The following GRAMD2A variants were observed in gnomAD, a reference collection of about 807,000 sequenced individuals.
The protein encoded by GRAMD2A is GRAM domain containing 2A, also known as GRAM domain-containing protein 2A.
GRAMD2A carries 37 observed loss-of-function variants against 51.1 expected under a neutral mutation model. That is an observed-to-expected ratio of 0.72 (90% CI 0.56 to 0.95). The LOEUF is 0.95. GRAMD2A is among the 40% of genes least tolerant of loss of function. The pLI, the probability that GRAMD2A is intolerant of heterozygous loss-of-function variation, is 0.00. For synonymous variants in GRAMD2A, 136 were observed against 157.1 expected, an observed-to-expected ratio of 0.87 and a Z score of 1.01; for missense variants, 414 against 426.9, an observed-to-expected ratio of 0.97 and a Z score of 0.27.
rs60311069 is a variant in GRAMD2A, at chr15:72,189,321, A to T, written c.41+8410T>A. Among the ~76,000 whole-genome samples, 1,501 of 152,392 alleles carry T rather than the reference A, an allele frequency of 9.8e-3. 23 individuals are homozygous for T. The highest frequency in any genetic ancestry group is 0.034 in the African/African-American group (1,413 of 41,580). ...CAAATCTACATGTGATAAAAATCAC[A>T]CAAGACTAAATATAGGTCCACACAC... On this transcript the variant is annotated intron_variant, in intron 1 of 11. Transcript: ENST00000309731.
chr15:72,178,668 G>T (rs1320004421), intron 1 of GRAMD2A, among the ~76,000 whole-genome samples: 2 of 140,446 alleles, frequency 1.4e-5, no homozygotes, highest in Non-Finnish European at 3.0e-5. Context: ...CTCTGCCTCT[G>T]GGTTCGTGCC....
intron 1 of GRAMD2A, among the ~76,000 whole-genome samples, chr15:72,185,102 G>A (rs1044054258): frequency 2.6e-5 from 4 of 151,370 alleles, no homozygotes; most frequent in Non-Finnish European, 5.9e-5. Flanking sequence ...AAAATCAATC[G>A]TTTTCCTGTA....
chr15:72,190,218 A>T (rs1257203692), intron 1 of GRAMD2A, among the ~76,000 whole-genome samples: 1 of 152,060 alleles, frequency 6.6e-6, no homozygotes, highest in Non-Finnish European at 1.5e-5. Flanking sequence ...CTACTAAAAA[A>T]AATACAAAAA....
chr15:72,193,657 G>GGACT (rs2081784793), intron 1 of GRAMD2A, among the ~76,000 whole-genome samples: 1 of 151,898 alleles, frequency 6.6e-6, no homozygotes, highest in Non-Finnish European at 1.5e-5. Flanking sequence ...CGAGTAGCTG[G>GGACT]GACTACAGGC....
intron 11 of GRAMD2A, 24 bp from the exon 12 acceptor site, chr15:72,162,036 A>G: frequency 6.2e-7 from 1 of 1,614,114 alleles, no homozygotes; most frequent in Non-Finnish European, 8.5e-7. Context: ...AGATGTCCAC[A>G]TCAGGGAAAG....
intron 1 of GRAMD2A, among the ~76,000 whole-genome samples, chr15:72,178,829 C>A (rs1017049626): frequency 6.6e-6 from 1 of 152,072 alleles, no homozygotes; most frequent in Admixed American, 6.5e-5. Flanking sequence ...CCGCCTCGGC[C>A]TCCCAAAGTG....
chr15:72,161,749 G>A lies in GRAMD2A; in HGVS notation c.*260C>T. ...AGTGTTTGCTGAAGCTTTGTGTACA[G>A]AATTCCTCAGTTGGTTCCAAAAAAT... On this transcript the variant is annotated 3_prime_UTR_variant, in exon 12 of 12. Coordinates refer to ENST00000309731, the MANE Select transcript of GRAMD2A (RefSeq NM_001012642.3). 2.0e-6 allele frequency: 1 copy of A among 498,042 alleles called. No homozygotes were observed. Among genetic ancestry groups the A allele is most frequent in the South Asian group, 2.2e-5 (1 of 44,978 alleles). The allele number at this position is 498,042 out of a possible 1,614,324, so 30.9% of individuals were successfully genotyped here.
At chr15:72,168,157 T>C (rs2081569150) in intron 4 of GRAMD2A, among the ~76,000 whole-genome samples, 1 of 152,220 alleles carries the variant, frequency 6.6e-6, no homozygotes, top group Non-Finnish European at 1.5e-5. Flanking sequence ...TCCCTGACCT[T>C]TCCCTGCTCT....
At chr15:72,191,672 A>G (rs1239099277) in intron 1 of GRAMD2A, among the ~76,000 whole-genome samples, 2 of 152,264 alleles carry the variant, frequency 1.3e-5, no homozygotes, top group Non-Finnish European at 2.9e-5. Context: ...ATACTTCTTG[A>G]AGCACACAAT....
At chr15:72,182,162 T>G (rs1481958276) in intron 1 of GRAMD2A, among the ~76,000 whole-genome samples, 1 of 151,966 alleles carries the variant, frequency 6.6e-6, no homozygotes, top group African/African-American at 2.4e-5. Flanking sequence ...GTCAGGAGTT[T>G]GAGACTAGCC....
At chr15:72,176,854 CTTTTTTTTT>C (rs60618044) in intron 1 of GRAMD2A, among the ~76,000 whole-genome samples, 1 of 72,174 alleles carries the variant, frequency 1.4e-5, no homozygotes. Flanking sequence ...ACCTGCAGTG[CTTTTTTTTT>C]TTTTTTTTTT....
rs778075250 is a variant in GRAMD2A, at chr15:72,167,845, A to G, written c.269-6T>C. On this transcript the variant is annotated splice_polypyrimidine_tract_variant and splice_region_variant and intron_variant, in intron 4 of 11. Coordinates refer to ENST00000309731, the MANE Select transcript of GRAMD2A (RefSeq NM_001012642.3). Reference sequence around the variant, plus strand: ...CTGGAGGGCACAGGAACACACTAGGATGTCACAGGAGAGAAAATGGCCATA... The same window carrying G: ...CTGGAGGGCACAGGAACACACTAGGGTGTCACAGGAGAGAAAATGGCCATA... 1 of 1,606,698 alleles carries G rather than the reference A, an allele frequency of 6.2e-7. No individual in the cohort carries two copies. The highest frequency in any genetic ancestry group is 1.1e-5 in the South Asian group (1 of 90,924).
chr15:72,163,898 C>T (rs1420035418), intron 8 of GRAMD2A, 141 bp from the exon 9 acceptor site: 20 of 818,476 alleles, frequency 2.4e-5, no homozygotes, highest in Middle Eastern at 2.5e-4. Context: ...CAGGTACAAG[C>T]GAGGAGGGCA....
intron 1 of GRAMD2A, among the ~76,000 whole-genome samples, chr15:72,190,423 G>C (rs1358243594): frequency 1.3e-5 from 2 of 152,036 alleles, no homozygotes; most frequent in Admixed American, 1.3e-4. Context: ...CCACCTTCTA[G>C]CTAATAATCC....
chr15:72,185,108 C>T (rs764741298), intron 1 of GRAMD2A, among the ~76,000 whole-genome samples: 15 of 151,950 alleles, frequency 9.9e-5, no homozygotes, highest in Non-Finnish European at 2.1e-4. Flanking sequence ...AATCGTTTTC[C>T]TGTAGACCTA....
chr15:72,163,787 C>T (rs755238678), intron 8 of GRAMD2A, 30 bp from the exon 9 acceptor site: 4 of 1,599,876 alleles, frequency 2.5e-6, no homozygotes, highest in Middle Eastern at 1.7e-4. Context: ...GCTATCTTAC[C>T]ATGGCCCTTG....
At chr15:72,195,214 A>G (rs2140563519) in intron 1 of GRAMD2A, among the ~76,000 whole-genome samples, 1 of 152,320 alleles carries the variant, frequency 6.6e-6, no homozygotes, top group African/African-American at 2.4e-5. Context: ...TCACTGGATG[A>G]CTGCATGCAG....
At position 72,197,750 on chromosome 15, in the gene GRAMD2A, C is replaced by A; in HGVS notation, c.22G>T (p.Glu8Ter). Residue 8 changes from glutamate to a stop codon, truncating the protein, a stop_gained, in exon 1 of 12, where the codon GAG (glutamate) becomes TAG (stop). Transcript: ENST00000309731. LOFTEE classifies it high-confidence loss of function. Reference protein sequence around the residue: MTALSRSEATEEGGNQQM... With the variant: MTALSRS ...CCTTACCCGCCCTCCTCGGTGGCCT[C>A]GCTCCGGCTTAAAGCGGTCATCCCG... 7.5e-7 allele frequency: 1 copy of A among 1,336,640 alleles called. No individual in the cohort carries two copies. Among genetic ancestry groups the A allele is most frequent in the South Asian group, 1.8e-5 (1 of 56,528 alleles). 82.8% of individuals were successfully genotyped at this position (1,336,640 alleles called of 1,614,324 possible). A position where few individuals can be genotyped will look rare whatever the true frequency, so the allele number is the denominator to read the frequency against.
rs1208861276 is a variant in GRAMD2A at position 72,170,667 on chromosome 15, A to G, written c.42-728T>C. 6.6e-6 allele frequency among the ~76,000 whole-genome samples: 1 copy of G among 152,138 alleles called. No homozygotes were observed. The highest frequency in any genetic ancestry group is 1.5e-5 in the Non-Finnish European group (1 of 68,016). The stretch of plus-strand genomic sequence containing the variant: ...CTGCCTCCACTAATCGCTCCAAAGA[A>G]TCATTACCCTGTTCCTGCTCCTCCA... On this transcript the variant is annotated intron_variant, in intron 1 of 11. Transcript: ENST00000309731. The surrounding 1 kb of genome is among the most constrained non-coding windows in gnomAD (Gnocchi z 4.5).
Sources: allele counts gnomAD v4.1 joint callset (sites outside exome capture counted in the v4.1 genomes callset), GRCh38; gene constraint gnomAD v4.1.1; non-coding constraint Gnocchi (gnomAD v3.1); transcripts MANE v1.5; gene names NCBI Gene and HGNC (gene_info 2026-07-23, HGNC 2026-07-21).